The following EPHA5 variants were observed in gnomAD, a reference collection of about 807,000 sequenced individuals.
The protein encoded by EPHA5 is EPH receptor A5.
In EPHA5, 60 loss-of-function variants were observed where a neutral mutation model predicts 105.0. That is an observed-to-expected ratio of 0.57 (90% confidence interval 0.46 to 0.71). The LOEUF is 0.71. Among genes scored for constraint, EPHA5 ranks in the 30% least tolerant of loss-of-function variants. The pLI, the probability that EPHA5 is intolerant of heterozygous loss-of-function variation, is 0.00. For synonymous variants in EPHA5, 513 were observed against 449.1 expected (o/e 1.14, Z -1.80); for missense variants, 1,218 against 1,274.7 (o/e 0.96, Z 0.68).
At chr4:65,395,675 T>C (rs550344876) in intron 8 of EPHA5, among the ~76,000 whole-genome samples, 1 of 152,200 alleles carries the variant, frequency 6.6e-6, no homozygotes, top group South Asian at 2.1e-4. Context: ...TAAGGAGAAA[T>C]AGGATTGAGC....
At chr4:65,429,941 T>C (rs1724818140) in intron 5 of EPHA5, among the ~76,000 whole-genome samples, 1 of 152,030 alleles carries the variant, frequency 6.6e-6, no homozygotes, top group African/African-American at 2.4e-5. Context: ...AATAGCATCA[T>C]TTCTAACAGC....
chr4:65,441,395 T>G (rs1243474648), intron 5 of EPHA5, among the ~76,000 whole-genome samples: 1 of 152,082 alleles, frequency 6.6e-6, no homozygotes, highest in Non-Finnish European at 1.5e-5. Flanking sequence ...ATGAAAGCTA[T>G]TTGCAAAGTA....
intron 5 of EPHA5, among the ~76,000 whole-genome samples, chr4:65,475,059 A>G (rs1393174192): frequency 6.6e-6 from 1 of 152,188 alleles, no homozygotes; most frequent in East Asian, 1.9e-4. Flanking sequence ...ACTAAAAAAG[A>G]TAGCGTAAAC....
chr4:65,495,609 T>C (rs1007840681), intron 3 of EPHA5, 66 bp from the exon 4 acceptor site: 3 of 1,388,204 alleles, frequency 2.2e-6, no homozygotes, highest in Admixed American at 2.2e-5. Context: ...TTGTGAATAA[T>C]GTCATTATTT....
intron 3 of EPHA5, among the ~76,000 whole-genome samples, chr4:65,558,568 GT>G (rs1415676860): frequency 6.6e-6 from 1 of 151,954 alleles, no homozygotes; most frequent in Non-Finnish European, 1.5e-5. Flanking sequence ...TATACTTTAA[GT>G]TTTAGGGTAC....
intron 8 of EPHA5, among the ~76,000 whole-genome samples, chr4:65,370,222 C>T (rs1718323469): frequency 6.6e-6 from 1 of 151,954 alleles, no homozygotes; most frequent in South Asian, 2.1e-4. Context: ...AGGGAAGAAA[C>T]AAATACATTA....
chr4:65,515,735 G>T (rs1337505840), intron 3 of EPHA5, among the ~76,000 whole-genome samples: 4 of 152,224 alleles, frequency 2.6e-5, no homozygotes, highest in African/African-American at 9.6e-5. Flanking sequence ...AAGGGATGCT[G>T]AGATAGCTGG....
At chr4:65,417,346 C>T (rs998870536) in intron 6 of EPHA5, among the ~76,000 whole-genome samples, 5 of 152,188 alleles carry the variant, frequency 3.3e-5, no homozygotes, top group Non-Finnish European at 4.4e-5. Context: ...ATCAGGACCC[C>T]TAACTCAATA....
intron 3 of EPHA5, among the ~76,000 whole-genome samples, chr4:65,547,138 T>A (rs1737452712): frequency 6.6e-6 from 1 of 151,988 alleles, no homozygotes; most frequent in Admixed American, 6.6e-5. Context: ...GAGGTCTGTG[T>A]AGGTGTTTGT....
intron 5 of EPHA5, among the ~76,000 whole-genome samples, chr4:65,466,738 A>C (rs963661662): frequency 1.3e-5 from 2 of 152,200 alleles, no homozygotes; most frequent in Non-Finnish European, 2.9e-5. Flanking sequence ...AAAGCATCAA[A>C]AGTGTTTCCA....
intron 3 of EPHA5, among the ~76,000 whole-genome samples, chr4:65,520,186 A>G (rs971184714): frequency 6.6e-6 from 1 of 152,166 alleles, no homozygotes; most frequent in African/African-American, 2.4e-5. Context: ...AGAGATATAG[A>G]CCAATGGAAC....
intron 3 of EPHA5, among the ~76,000 whole-genome samples, chr4:65,515,313 C>T (rs1387257420): frequency 2.0e-5 from 3 of 152,116 alleles, no homozygotes; most frequent in African/African-American, 4.8e-5. Flanking sequence ...AACAACATTG[C>T]TTTGGCTCAT....
intron 2 of EPHA5, among the ~76,000 whole-genome samples, chr4:65,610,177 T>C (rs551102252): frequency 6.5e-4 from 99 of 152,232 alleles, no homozygotes; most frequent in African/African-American, 2.2e-3. Context: ...AGTCTATATA[T>C]GGAATAGTCT....
intron 5 of EPHA5, among the ~76,000 whole-genome samples, chr4:65,462,382 G>T (rs72641061): frequency 6.6e-6 from 1 of 152,156 alleles, no homozygotes; most frequent in East Asian, 1.9e-4. Context: ...ACCAACTGCT[G>T]TAATGAAACT....
chr4:65,364,403 C>T (rs1717646839), intron 11 of EPHA5, among the ~76,000 whole-genome samples: 1 of 151,596 alleles, frequency 6.6e-6, no homozygotes, highest in Admixed American at 6.6e-5. Flanking sequence ...TTGCAAGGCT[C>T]ACCATGCTAA....
intron 2 of EPHA5, among the ~76,000 whole-genome samples, chr4:65,623,751 G>A (rs1288626173): frequency 6.6e-6 from 1 of 152,064 alleles, no homozygotes; most frequent in African/African-American, 2.4e-5. Flanking sequence ...GTAACAGATT[G>A]TATCTACTAA....
At chr4:65,594,126 G>A (rs1446399715) in intron 3 of EPHA5, among the ~76,000 whole-genome samples, 1 of 151,868 alleles carries the variant, frequency 6.6e-6, no homozygotes, top group Non-Finnish European at 1.5e-5. Context: ...CTATTTTTTG[G>A]TTTCCTGGAA....
chr4:65,429,881 A>G (rs932218166), intron 5 of EPHA5, among the ~76,000 whole-genome samples: 8 of 152,082 alleles, frequency 5.3e-5, no homozygotes, highest in Non-Finnish European at 1.0e-4. Context: ...GGGAGACCTG[A>G]GTAGTGTTTA....
intron 15 of EPHA5, among the ~76,000 whole-genome samples, 186 bp from the exon 16 acceptor site, chr4:65,332,314 T>C (rs947030036): frequency 6.6e-6 from 1 of 151,926 alleles, no homozygotes; most frequent in African/African-American, 2.4e-5. Context: ...ATCAGTCTAC[T>C]GAGATTATTT....
Sources: gnomAD v4.1 joint callset for allele counts (sites outside exome capture counted in the v4.1 genomes callset) on GRCh38, gnomAD v4.1.1 for gene constraint, MANE v1.5 for transcripts, NCBI Gene and HGNC (gene_info 2026-07-23, HGNC 2026-07-21) for gene names.